The following HSF5 variants were observed in gnomAD, a reference collection of about 807,000 sequenced individuals.
HSF5 encodes heat shock factor protein 5.
HSF5 carries 5 observed loss-of-function variants against 50.8 expected under a neutral mutation model. That is an observed-to-expected ratio of 0.10 (90% CI 0.05 to 0.21). The LOEUF (loss-of-function observed/expected upper bound fraction) is 0.21, where lower values mean the gene tolerates loss of function less well. Among genes scored for constraint, HSF5 ranks in the 10% least tolerant of loss-of-function variants. HSF5 has a pLI of 1.00. For synonymous variants in HSF5, 307 were observed against 307.4 expected, an observed-to-expected ratio of 1.00 and a Z score of 0.02; for missense variants, 564 against 762.6, an observed-to-expected ratio of 0.74 and a Z score of 3.07.
intron 3 of HSF5, 84 bp from the exon 4 acceptor site, chr17:58,463,387 GT>G: frequency 9.5e-7 from 1 of 1,056,936 alleles, no homozygotes; most frequent in Non-Finnish European, 1.4e-6. Flanking sequence ...AGGCTGATGA[GT>G]GCTAAACATA....
At chr17:58,474,373 C>T (rs1243524334) in intron 2 of HSF5, among the ~76,000 whole-genome samples, 1 of 152,020 alleles carries the variant, frequency 6.6e-6, no homozygotes, top group East Asian at 1.9e-4. Context: ...ATTTCTTATT[C>T]TCATAATCTC....
At chr17:58,448,637 G>A (rs2143758472) in intron 5 of HSF5, among the ~76,000 whole-genome samples, 1 of 152,268 alleles carries the variant, frequency 6.6e-6, no homozygotes, top group East Asian at 1.9e-4. Flanking sequence ...ACCTAGCAAA[G>A]CTATCCTTCA....
At chr17:58,475,904 C>T (rs550989883) in intron 2 of HSF5, among the ~76,000 whole-genome samples, 1 of 152,060 alleles carries the variant, frequency 6.6e-6, no homozygotes, top group East Asian at 1.9e-4. Flanking sequence ...AAATGAATTT[C>T]GAACAGAAAG....
At chr17:58,441,851 C>T (rs549893534) in intron 5 of HSF5, among the ~76,000 whole-genome samples, 8 of 152,204 alleles carry the variant, frequency 5.3e-5, no homozygotes, top group African/African-American at 1.4e-4. Flanking sequence ...TGTGAAACAG[C>T]GACTGTTGTA....
chr17:58,467,829 C>T (rs1186080112), intron 2 of HSF5, among the ~76,000 whole-genome samples: 4 of 152,208 alleles, frequency 2.6e-5, no homozygotes, highest in Non-Finnish European at 5.9e-5. Flanking sequence ...AAGTTACTTA[C>T]AGATGCAGTC....
intron 4 of HSF5, among the ~76,000 whole-genome samples, chr17:58,460,809 A>C (rs1292294910): frequency 6.7e-6 from 1 of 150,224 alleles, no homozygotes; most frequent in Non-Finnish European, 1.5e-5. Flanking sequence ...GCGCCTGGCC[A>C]AGATATATTT....
intron 2 of HSF5, chr17:58,476,449 G>T: frequency 9.4e-7 from 1 of 1,066,000 alleles, no homozygotes; most frequent in Non-Finnish European, 1.5e-6. Context: ...TGAACGCTTT[G>T]TCAAATCCAT....
Position 58,422,234 on chromosome 17 carries a change from T to G in HSF5, c.*126A>C. 1.5e-6 allele frequency: 1 copy of G among 668,012 alleles called. No homozygotes were observed. Among genetic ancestry groups the G allele is most frequent in the South Asian group, 1.9e-5 (1 of 51,476 alleles). The allele number at this position is 668,012 out of a possible 1,614,324, so 41.4% of individuals were successfully genotyped here. ...AATTCTCAATTAACAAAATTCTCAA[T>G]TAACGAAACAAAAAATACTTTTTTT... On this transcript the variant is annotated 3_prime_UTR_variant, in exon 6 of 6. Transcript: ENST00000323777.
chr17:58,481,908 G>A (rs1346474115), intron 1 of HSF5, among the ~76,000 whole-genome samples: 1 of 152,232 alleles, frequency 6.6e-6, no homozygotes, highest in Non-Finnish European at 1.5e-5. Flanking sequence ...GCTGAGGCAG[G>A]AGAATCGCTT....
At position 58,466,726 on chromosome 17, in the gene HSF5, A is replaced by G. The variant is rs548016618; in HGVS notation, c.1020+159T>C. Among the ~76,000 whole-genome samples, 4 of 152,166 alleles carry G rather than the reference A, an allele frequency of 2.6e-5. No individual in the cohort carries two copies. In the East Asian group the frequency reaches 7.7e-4, roughly 29 times the overall value. On this transcript the variant is annotated intron_variant, in intron 3 of 5. Coordinates refer to ENST00000323777, the MANE Select transcript of HSF5 (RefSeq NM_001080439.3). ...GAATTCTGAGATATTATTTATATCA[A>G]TTCTCTCTTTTTTTTTTTAAGAATT...
intron 3 of HSF5, 43 bp from the exon 4 acceptor site, chr17:58,463,346 T>C (rs1399331441): frequency 2.0e-6 from 3 of 1,497,250 alleles, no homozygotes; most frequent in South Asian, 1.2e-5. Context: ...GAAAATAAAA[T>C]ATGAGATTAA....
Position 58,432,263 on chromosome 17 carries a change from C to G in HSF5, c.1721-9833G>C, listed in dbSNP as rs543937846. Among the ~76,000 whole-genome samples the G allele has an allele frequency of 2.6e-5, 4 of 152,040 alleles. No individual in the cohort carries two copies. The East Asian group carries it at 7.7e-4, about 29-fold the overall frequency. On this transcript the variant is annotated intron_variant, in intron 5 of 5. Coordinates refer to ENST00000323777, the MANE Select transcript of HSF5 (RefSeq NM_001080439.3). ...AATGGGTAAAACAACCACAGAGAACCAACCTTCTAGAAAGAGTGGGGGTGG... is the reference window on the plus strand; with the variant it reads ...AATGGGTAAAACAACCACAGAGAACGAACCTTCTAGAAAGAGTGGGGGTGG...
At chr17:58,462,679 T>C in intron 4 of HSF5, 103 bp downstream of exon 4, 4 of 1,159,518 alleles carry the variant, frequency 3.4e-6, no homozygotes, top group Non-Finnish European at 3.7e-6. Flanking sequence ...TGAACTGGTA[T>C]TAAACCCAAA....
chr17:58,480,277 A>G lies in HSF5; in HGVS notation c.551-10T>C. On this transcript the variant is annotated splice_polypyrimidine_tract_variant and intron_variant, in intron 1 of 5. Transcript: ENST00000323777. ...CCTACAGCCACTGGTCCTACATAAA[A>G]GAGGAAGAGCACATTTACTAATTTT... is the stretch of plus-strand genomic sequence containing the variant. 6.3e-7 allele frequency: 1 copy of G among 1,586,352 alleles called. No individual in the cohort carries two copies. Among genetic ancestry groups the G allele is most frequent in the African/African-American group, 1.4e-5 (1 of 73,988 alleles).
chr17:58,438,895 T>C (rs1016147619), intron 5 of HSF5, among the ~76,000 whole-genome samples: 3 of 151,932 alleles, frequency 2.0e-5, no homozygotes, highest in African/African-American at 7.3e-5. Context: ...GTTGGGAGGA[T>C]TGCTTGAGAC....
chr17:58,424,998 GT>G, intron 5 of HSF5, among the ~76,000 whole-genome samples: 1 of 152,194 alleles, frequency 6.6e-6, no homozygotes. Context: ...CGGAGTTTCC[GT>G]TTGGGAAGAT....
At chr17:58,477,081 T>C (rs886265792) in intron 2 of HSF5, 32 of 472,674 alleles carry the variant, frequency 6.8e-5, no homozygotes, top group African/African-American at 6.3e-4. Context: ...CCTCGCGGCC[T>C]GACGACAGGT....
rs180941205 is a variant in HSF5, at chr17:58,440,702, T to C, written c.1720+18066A>G. Among the ~76,000 whole-genome samples the C allele has an allele frequency of 3.0e-4, 45 of 152,294 alleles. 1 individual carries two copies. The East Asian group carries it at 7.3e-3, about 25-fold the overall frequency. ...AGCAAGAAAACAACCATGCTTACTATTTCAAGGAGGCAAATTCCAAGCTTG... is the reference window on the plus strand; with the variant it reads ...AGCAAGAAAACAACCATGCTTACTACTTCAAGGAGGCAAATTCCAAGCTTG... On this transcript the variant is annotated intron_variant, in intron 5 of 5. Transcript: ENST00000323777.
Position 58,462,805 on chromosome 17 carries a change from C to T in HSF5, c.1519G>A (p.Gly507Arg). The change falls in exon 4 of 6, where the codon GGG (glycine) becomes AGG (arginine). Residue 507 changes from glycine (G) to arginine (R), a missense_variant. Physicochemically the swap from Gly to Arg is moderately radical, Grantham distance 125 (BLOSUM62 -2). Around this residue, in one of 5 missense-constraint regions of HSF5, gnomAD observed 441 missense variants for 533.6 expected, o/e 0.83. Transcript: ENST00000323777. The part of the protein sequence containing the change: ...SPSSVVFVQE[G>R]PPFSTHQVDA... The stretch of plus-strand genomic sequence containing the variant: ...ACCTGGTGTGTGCTGAATGGTGGCC[C>T]TTCCTGCACAAATACTACTGAAGAT... 3 of 1,609,458 alleles carry T rather than the reference C, an allele frequency of 1.9e-6. No homozygotes were observed. Among genetic ancestry groups the T allele is most frequent in the Non-Finnish European group, 2.5e-6 (3 of 1,177,702 alleles).
Sources: allele counts gnomAD v4.1 joint callset (sites outside exome capture counted in the v4.1 genomes callset), GRCh38; gene constraint gnomAD v4.1.1; regional missense constraint gnomAD v4.1.1; transcripts MANE v1.5; gene names NCBI Gene and HGNC (gene_info 2026-07-23, HGNC 2026-07-21).